Variants in AARS1 observed in about 807,000 individuals in gnomAD.
AARS1 encodes the protein alanine--tRNA ligase, cytoplasmic.
AARS1 carries 72 observed loss-of-function variants against 108.9 expected under a neutral mutation model. The ratio of observed to expected loss-of-function variants is 0.66; its 90% CI spans 0.55 to 0.80. The LOEUF is 0.80. Among genes scored for constraint, AARS1 ranks in the 30% least tolerant of loss-of-function variants. The pLI is 0.00. For synonymous variants in AARS1, 489 were observed against 465.7 expected (o/e 1.05, Z -0.64); for missense variants, 1,193 against 1,233.2 (o/e 0.97, Z 0.49).
chr16:70,258,269 G>A, intron 14 of AARS1, 52 bp from the exon 15 acceptor site: 1 of 1,542,864 alleles, frequency 6.5e-7, no homozygotes, highest in South Asian at 1.2e-5. Context: ...TGGAGGTGCG[G>A]TACGACGAGG....
chr16:70,272,730 C>A (rs1960438898), intron 4 of AARS1, among the ~76,000 whole-genome samples: 1 of 151,274 alleles, frequency 6.6e-6, no homozygotes. Context: ...CCAGCCTGGG[C>A]AACATTGCGA....
At chr16:70,273,358 A>G (rs910456305) in intron 4 of AARS1, among the ~76,000 whole-genome samples, 4 of 152,184 alleles carry the variant, frequency 2.6e-5, no homozygotes, top group African/African-American at 9.6e-5. Context: ...CACAGCACAG[A>G]ACACATATAG....
intron 4 of AARS1, among the ~76,000 whole-genome samples, chr16:70,273,885 A>AAT (rs1267199569): frequency 6.7e-6 from 1 of 150,222 alleles, no homozygotes; most frequent in East Asian, 1.9e-4. Flanking sequence ...AAAAAAAAAA[A>AAT]AAATTAGCCA....
At chr16:70,256,486 G>A (rs1317015293) in intron 15 of AARS1, among the ~76,000 whole-genome samples, 1 of 152,100 alleles carries the variant, frequency 6.6e-6, no homozygotes, top group East Asian at 1.9e-4. Context: ...TTTTAGTACA[G>A]ACAGGTTTTC....
In AARS1 at chr16:70,267,709, C is replaced by T. The variant is rs766386174; in HGVS notation, c.1172G>A (p.Arg391His). 12 of 1,613,964 alleles carry T rather than the reference C, an allele frequency of 7.4e-6. No homozygotes were observed. The highest frequency in any genetic ancestry group is 4.0e-5 in the African/African-American group (3 of 74,876). Residue 391 changes from arginine (R) to histidine (H), a missense_variant, in exon 9 of 21, where the codon CGC becomes CAC. Coordinates refer to ENST00000261772, the MANE Select transcript of AARS1 (RefSeq NM_001605.3). ...GCTCTGAATTTTCCTGTCCAGGATG[C>T]GACGCCCTCTGCTGAGAGTCTTGAG... ...QFLKTLSRGR[R>H]ILDRKIQSLG...
In AARS1 at chr16:70,269,322, G is replaced by GAAA. The variant is rs56394253; in HGVS notation, c.962+293_962+295dup. On this transcript the variant is annotated intron_variant, in intron 7 of 20. Coordinates refer to ENST00000261772, the MANE Select transcript of AARS1 (RefSeq NM_001605.3). ...GCAACAAAAGCAAAATTCTGTCTCA[G>GAAA]AAAAAAAAAAAAAAAAAAAAAAAAA... 2.5e-4 allele frequency among the ~76,000 whole-genome samples: 16 copies of GAAA among 64,268 alleles called. 1 individual carries two copies. The highest frequency in any genetic ancestry group is 1.5e-3 in the East Asian group (3 of 1,982). The allele number at this position is 64,268 out of a possible 152,430, so 42.2% of individuals were successfully genotyped here.
intron 5 of AARS1, among the ~76,000 whole-genome samples, chr16:70,270,727 C>T (rs1306495123): frequency 6.0e-5 from 9 of 150,900 alleles, no homozygotes. Flanking sequence ...ATCCCAGCTA[C>T]TCGGGAGGCT....
intron 1 of AARS1, among the ~76,000 whole-genome samples, chr16:70,285,086 G>A (rs960696501): frequency 3.9e-5 from 6 of 152,114 alleles, no homozygotes; most frequent in African/African-American, 1.2e-4. Context: ...AAAATTAGCC[G>A]GGAATGATGG....
chr16:70,275,301 T>C (rs1330752916), intron 4 of AARS1, among the ~76,000 whole-genome samples: 2 of 151,138 alleles, frequency 1.3e-5, no homozygotes, highest in East Asian at 4.0e-4. Context: ...TTATTGAACA[T>C]ATTAAGAAGC....
intron 1 of AARS1, 141 bp downstream of exon 1, chr16:70,289,280 G>A: frequency 2.9e-6 from 1 of 340,420 alleles, no homozygotes; most frequent in Non-Finnish European, 5.8e-6. Context: ...ACACTGTCCA[G>A]CTCCCGCTCC....
At chr16:70,264,209 G>A (rs1960211658) in intron 11 of AARS1, among the ~76,000 whole-genome samples, 1 of 150,838 alleles carries the variant, frequency 6.6e-6, no homozygotes, top group South Asian at 2.1e-4. Context: ...TCACACTATT[G>A]CACTCCAGCC....
rs1175499706 is a variant in AARS1, at chr16:70,276,605, T to C, written c.360A>G (p.Glu120=). The C allele has an allele frequency of 7.4e-6, 12 of 1,613,706 alleles. No individual in the cohort carries two copies. The highest frequency in any genetic ancestry group is 1.0e-5 in the Non-Finnish European group (12 of 1,179,984). ...GAATGCCAAACTCTTGGGTGAGGAG[T>C]TCCAGAGCCATCTTACATGCCAATT... ...FKELACKMAL[E]LLTQEFGIPI... is the part of the protein sequence containing the mutation. Residue 120 remains glutamate, a synonymous_variant, in exon 4 of 21, where the codon GAA becomes GAG. Transcript: ENST00000261772.
At chr16:70,265,420 A>C in intron 10 of AARS1, 118 bp downstream of exon 10, 1 of 1,490,900 alleles carries the variant, frequency 6.7e-7, no homozygotes, top group Non-Finnish European at 9.3e-7. Flanking sequence ...AGAACCACTG[A>C]TCTAGGGGAA....
intron 14 of AARS1, among the ~76,000 whole-genome samples, chr16:70,258,550 G>C (rs1960051456): frequency 6.6e-6 from 1 of 152,124 alleles, no homozygotes; most frequent in African/African-American, 2.4e-5. Flanking sequence ...CACAGATGGA[G>C]AATCACTGCT....
intron 9 of AARS1, among the ~76,000 whole-genome samples, chr16:70,266,591 G>A (rs927468299): frequency 1.3e-4 from 20 of 150,672 alleles, no homozygotes; most frequent in African/African-American, 4.4e-4. Context: ...GTGTGATCTC[G>A]GCTCATTGCA....
In AARS1 at chr16:70,282,778, C is replaced by A; in HGVS notation, c.-15G>T. The A allele has an allele frequency of 6.2e-7, 1 of 1,613,102 alleles. No individual in the cohort carries two copies. Among genetic ancestry groups the A allele is most frequent in the Non-Finnish European group, 8.5e-7 (1 of 1,179,514 alleles). ...GTAGAGTCCATCTTGAAAGTCACCC[C>A]AAAGAACTAATCAAAGAAAAAAAAA... is the stretch of plus-strand genomic sequence containing the variant. On this transcript the variant is annotated 5_prime_UTR_variant, in exon 2 of 21. Coordinates refer to ENST00000261772, the MANE Select transcript of AARS1 (RefSeq NM_001605.3).
intron 17 of AARS1, 42 bp from the exon 18 acceptor site, chr16:70,254,080 G>T: frequency 1.2e-6 from 2 of 1,611,630 alleles, no homozygotes; most frequent in Non-Finnish European, 8.5e-7. Flanking sequence ...GCCACAACTT[G>T]CTGGGATGTC....
At chr16:70,258,922 CTG>C in intron 14 of AARS1, 56 bp downstream of exon 14, 2 of 1,557,560 alleles carry the variant, frequency 1.3e-6, no homozygotes, top group African/African-American at 1.4e-5. Context: ...ACTGCTAAGA[CTG>C]TGGACAGACA....
In AARS1 at chr16:70,271,986, A is replaced by C. The variant is rs1436481537; in HGVS notation, c.480-14T>G. On this transcript the variant is annotated splice_polypyrimidine_tract_variant and intron_variant, in intron 4 of 20. Coordinates refer to ENST00000261772, the MANE Select transcript of AARS1 (RefSeq NM_001605.3). Reference sequence around the variant, plus strand: ...GTGTCATCCAGCCTGACAAAGGAGTAAAGATAAGTCCAGTTACAGCCCCTG... The same window carrying C: ...GTGTCATCCAGCCTGACAAAGGAGTCAAGATAAGTCCAGTTACAGCCCCTG... The C allele has an allele frequency of 1.9e-6, 3 of 1,613,004 alleles. No individual in the cohort carries two copies. The highest frequency in any genetic ancestry group is 1.7e-6 in the Non-Finnish European group (2 of 1,179,182).
Sources: allele counts gnomAD v4.1 joint callset (sites outside exome capture counted in the v4.1 genomes callset), GRCh38; gene constraint gnomAD v4.1.1; transcripts MANE v1.5; gene names NCBI Gene and HGNC (gene_info 2026-07-23, HGNC 2026-07-21).